Variants in RBM46 observed in about 807,000 individuals in gnomAD.
RBM46 encodes the protein probable RNA-binding protein 46.
A neutral mutation model predicts 43.3 loss-of-function variants in RBM46; 12 were observed. The observed-to-expected ratio is 0.28, with a 90% CI of 0.18 to 0.45. The LOEUF (loss-of-function observed/expected upper bound fraction) is 0.45, where lower values mean the gene tolerates loss of function less well. Among genes scored for constraint, RBM46 ranks in the 20% least tolerant of loss-of-function variants. RBM46 has a pLI of 1.00. For missense variants in RBM46, 412 were observed against 639.1 expected (o/e 0.64, Z 3.83); for synonymous variants, 205 against 207.6 (o/e 0.99, Z 0.11).
At chr4:154,808,469 T>C (rs564626175) in intron 4 of RBM46, among the ~76,000 whole-genome samples, 21 of 152,060 alleles carry the variant, frequency 1.4e-4, no homozygotes, top group Non-Finnish European at 2.8e-4. Context: ...TAACTTTGTT[T>C]CAACAATACA....
intron 4 of RBM46, among the ~76,000 whole-genome samples, chr4:154,819,601 T>C (rs1230628927): frequency 6.6e-6 from 1 of 152,196 alleles, no homozygotes; most frequent in Non-Finnish European, 1.5e-5. Flanking sequence ...TAGTGTTACC[T>C]AGTTCATCAT....
In RBM46 at chr4:154,827,944, G is replaced by A. The variant is rs1381691851; in HGVS notation, c.1479G>A (p.Val493=). ...CCCTCTCTTCTGGGACTCCCAGCGTGCTTCCTTATACTTCAAGGCCTTATT... is the reference window on the plus strand; with the variant it reads ...CCCTCTCTTCTGGGACTCCCAGCGTACTTCCTTATACTTCAAGGCCTTATT... ...SATLSSGTPS[V]LPYTSRPYSY... is the part of the protein sequence containing the mutation. The change falls in exon 5 of 5, where the codon GTG becomes GTA. Residue 493 remains valine, a synonymous_variant. Coordinates refer to ENST00000281722, the MANE Select transcript of RBM46 (RefSeq NM_144979.5). 6.2e-7 allele frequency: 1 copy of A among 1,613,680 alleles called. No individual in the cohort carries two copies. The highest frequency in any genetic ancestry group is 8.5e-7 in the Non-Finnish European group (1 of 1,179,772).
chr4:154,818,422 T>G (rs778829816), intron 4 of RBM46, among the ~76,000 whole-genome samples: 8 of 152,204 alleles, frequency 5.3e-5, no homozygotes, highest in Non-Finnish European at 1.0e-4. Flanking sequence ...TAGCTTCTGT[T>G]GTTTCTCTTG....
chr4:154,827,451 C>G, intron 4 of RBM46: 1 of 1,001,250 alleles, frequency 1.0e-6, no homozygotes, highest in Non-Finnish European at 1.2e-6. Context: ...GGTTTGATGC[C>G]TAATACAGCT....
At chr4:154,796,424 CTGTT>C (rs1402445874) in intron 1 of RBM46, among the ~76,000 whole-genome samples, 1 of 152,166 alleles carries the variant, frequency 6.6e-6, no homozygotes, top group African/African-American at 2.4e-5. Flanking sequence ...TGTTGTTACT[CTGTT>C]TGCTTTCCTT....
At chr4:154,801,252 A>G (rs925096910) in intron 4 of RBM46, among the ~76,000 whole-genome samples, 1 of 152,070 alleles carries the variant, frequency 6.6e-6, no homozygotes, top group South Asian at 2.1e-4. Context: ...GTATATTACA[A>G]ATATTTTTAA....
At chr4:154,803,094 G>A (rs574627870) in intron 4 of RBM46, among the ~76,000 whole-genome samples, 1 of 152,258 alleles carries the variant, frequency 6.6e-6, no homozygotes, top group South Asian at 2.1e-4. Flanking sequence ...ACCTACATGA[G>A]TACTAGAAGT....
At chr4:154,826,105 C>T (rs926375436) in intron 4 of RBM46, among the ~76,000 whole-genome samples, 3 of 150,990 alleles carry the variant, frequency 2.0e-5, no homozygotes, top group African/African-American at 7.3e-5. Flanking sequence ...GTAATGGTCC[C>T]GTTTATACTC....
At chr4:154,801,082 A>G (rs1734613417) in intron 4 of RBM46, among the ~76,000 whole-genome samples, 1 of 151,600 alleles carries the variant, frequency 6.6e-6, no homozygotes, top group Admixed American at 6.6e-5. Flanking sequence ...GGATTCAAGC[A>G]ATTCTCCTGC....
intron 1 of RBM46, among the ~76,000 whole-genome samples, chr4:154,792,133 A>G (rs560475434): frequency 1.3e-5 from 2 of 152,318 alleles, no homozygotes; most frequent in East Asian, 1.9e-4. Flanking sequence ...TTGGGCAAAC[A>G]GATTTCTGAT....
rs760150726 is a variant in RBM46, at chr4:154,797,930, C to A, written c.271C>A (p.Arg91=). The A allele has an allele frequency of 3.1e-6, 5 of 1,612,866 alleles. No individual in the cohort carries two copies. Among genetic ancestry groups the A allele is most frequent in the African/African-American group, 1.3e-5 (1 of 74,826 alleles). ...AAGAGCTGGGAAGATATATGAATTT[C>A]GACTTATGATGGAATTTAGTGGTGA... The part of the protein sequence containing the change: ...FERAGKIYEF[R]LMMEFSGENR... The change falls in exon 3 of 5, where the codon CGA becomes AGA. Residue 91 remains arginine (R), a synonymous_variant. Coordinates refer to ENST00000281722, the MANE Select transcript of RBM46 (RefSeq NM_144979.5).
At chr4:154,824,294 G>T (rs939243511) in intron 4 of RBM46, among the ~76,000 whole-genome samples, 2 of 151,988 alleles carry the variant, frequency 1.3e-5, no homozygotes, top group African/African-American at 4.8e-5. Context: ...TCATACTAGA[G>T]AACTCTTTAA....
At chr4:154,827,082 TAC>T (rs1279466558) in intron 4 of RBM46, 31 of 1,123,946 alleles carry the variant, frequency 2.8e-5, no homozygotes, top group Admixed American at 4.7e-5. Flanking sequence ...GTCTGTAATA[TAC>T]ACACACACAT....
chr4:154,816,942 T>G (rs1735474053), intron 4 of RBM46, among the ~76,000 whole-genome samples: 1 of 152,186 alleles, frequency 6.6e-6, no homozygotes, highest in South Asian at 2.1e-4. Context: ...TTTTTGTCTT[T>G]TATTCTTTTA....
At chr4:154,820,474 A>G in intron 4 of RBM46, 5 of 1,031,180 alleles carry the variant, frequency 4.8e-6, no homozygotes, top group Non-Finnish European at 6.8e-6. Context: ...AATATATTTA[A>G]TTGTCAGAAA....
intron 2 of RBM46, among the ~76,000 whole-genome samples, chr4:154,797,468 C>T (rs1161266209): frequency 2.6e-5 from 4 of 152,078 alleles, no homozygotes; most frequent in African/African-American, 9.7e-5. Flanking sequence ...GACATAAAAG[C>T]GCTTGCTTTT....
At chr4:154,804,813 T>G (rs1395910172) in intron 4 of RBM46, among the ~76,000 whole-genome samples, 2 of 121,196 alleles carry the variant, frequency 1.7e-5, no homozygotes, top group Non-Finnish European at 3.2e-5. Flanking sequence ...TGATTAAGGT[T>G]GTTTTTTTTT....
intron 4 of RBM46, among the ~76,000 whole-genome samples, chr4:154,804,391 A>G (rs1734803960): frequency 6.6e-6 from 1 of 152,034 alleles, no homozygotes. Context: ...CAAGGCGAAT[A>G]GTACTTCTCT....
At chr4:154,826,739 CTTTTTT>C (rs34828322) in intron 4 of RBM46, 618 of 932,914 alleles carry the variant, frequency 6.6e-4, no homozygotes, top group South Asian at 1.0e-3. Context: ...TTCATTTTTC[CTTTTTT>C]TTTTTTTTTT....
Sources: gnomAD v4.1 joint callset for allele counts (sites outside exome capture counted in the v4.1 genomes callset) on GRCh38, gnomAD v4.1.1 for gene constraint, MANE v1.5 for transcripts, NCBI Gene and HGNC (gene_info 2026-07-23, HGNC 2026-07-21) for gene names.